MTARC1: variants seen among roughly 807,000 people sequenced by gnomAD.
MTARC1 encodes mitochondrial amidoxime-reducing component 1.
In MTARC1, 24 loss-of-function variants were observed where a neutral mutation model predicts 33.6. The observed-to-expected ratio is 0.72, with a 90% confidence interval of 0.52 to 1.01. The LOEUF (loss-of-function observed/expected upper bound fraction) is 1.01, where lower values mean the gene tolerates loss of function less well. MTARC1 is among the 50% of genes least tolerant of loss of function. The probability of loss-of-function intolerance (pLI) is 0.00; values close to 1 mark genes in which losing one functional copy is unlikely to be tolerated. For synonymous variants in MTARC1, 187 were observed against 189.5 expected, an observed-to-expected ratio of 0.99 and a Z score of 0.11; for missense variants, 417 against 445.7, an observed-to-expected ratio of 0.94 and a Z score of 0.58.
intron 2 of MTARC1, among the ~76,000 whole-genome samples, chr1:220,792,949 A>G (rs1672476759): frequency 6.6e-6 from 1 of 152,164 alleles, no homozygotes; most frequent in Non-Finnish European, 1.5e-5. Context: ...TCCAGGTATT[A>G]AGAAGAATGT....
intron 2 of MTARC1, among the ~76,000 whole-genome samples, chr1:220,795,168 G>C (rs1256412484): frequency 1.3e-5 from 2 of 152,130 alleles, no homozygotes; most frequent in African/African-American, 4.8e-5. Flanking sequence ...TAACTTGGTT[G>C]GGGGACCCTG....
intron 6 of MTARC1, among the ~76,000 whole-genome samples, chr1:220,810,303 C>T (rs2102609403): frequency 6.6e-6 from 1 of 152,326 alleles, no homozygotes; most frequent in South Asian, 2.1e-4. Context: ...TGCAATACCT[C>T]TTAGTGCCAC....
intron 4 of MTARC1, among the ~76,000 whole-genome samples, chr1:220,804,532 A>G (rs995831997): frequency 7.9e-5 from 12 of 152,146 alleles, no homozygotes; most frequent in African/African-American, 2.9e-4. Context: ...TACTTCAGCA[A>G]AAATCAAAGA....
chr1:220,791,467 T>A, intron 1 of MTARC1, 24 bp from the exon 2 acceptor site: 2 of 1,611,916 alleles, frequency 1.2e-6, no homozygotes, highest in Non-Finnish European at 1.7e-6. Flanking sequence ...GGTTCACACA[T>A]ATCCTGTGTT....
chr1:220,808,103 T>G (rs1673024152), intron 6 of MTARC1, among the ~76,000 whole-genome samples: 1 of 152,144 alleles, frequency 6.6e-6, no homozygotes, highest in African/African-American at 2.4e-5. Flanking sequence ...CCCTGTGTGT[T>G]GCTCGGTGTG....
intron 1 of MTARC1, among the ~76,000 whole-genome samples, chr1:220,787,857 AATT>A (rs2102581233): frequency 6.6e-6 from 1 of 152,064 alleles, no homozygotes; most frequent in East Asian, 1.9e-4. Flanking sequence ...AAAAAACAAA[AATT>A]AGCCGGGCGT....
intron 6 of MTARC1, among the ~76,000 whole-genome samples, chr1:220,811,023 G>A (rs944464650): frequency 3.3e-5 from 5 of 152,324 alleles, no homozygotes; most frequent in Middle Eastern, 3.4e-3. Flanking sequence ...TGTGTGATGC[G>A]CAGAACTCCA....
chr1:220,793,287 T>A (rs1672490724), intron 2 of MTARC1: 2 of 152,228 alleles, frequency 1.3e-5, no homozygotes, highest in Non-Finnish European at 2.9e-5. Context: ...CATGGTTAGA[T>A]ATTTACCCAT....
chr1:220,804,072 A>G lies in MTARC1; in HGVS notation c.754-980A>G, dbSNP rs72472332. Among the ~76,000 whole-genome samples the G allele has an allele frequency of 6.4e-4, 97 of 152,180 alleles. 1 individual carries two copies. The highest frequency in any genetic ancestry group is 5.2e-3 in the Admixed American group (79 of 15,294). ...GCCTTCCGCCCTCGTGTGGTGGGCA[A>G]TTCTCTCCGAGGGTAAGAAGGTCAG... On this transcript the variant is annotated intron_variant, in intron 4 of 6. Coordinates refer to ENST00000366910, the MANE Select transcript of MTARC1 (RefSeq NM_022746.4).
At chr1:220,801,856 C>T (rs1571674551) in intron 4 of MTARC1, among the ~76,000 whole-genome samples, 1 of 152,090 alleles carries the variant, frequency 6.6e-6, no homozygotes, top group East Asian at 1.9e-4. Context: ...CACTCCTCAT[C>T]TCGGAAGCTA....
chr1:220,805,150 G>T, intron 5 of MTARC1, 37 bp downstream of exon 5: 1 of 1,614,004 alleles, frequency 6.2e-7, no homozygotes, highest in Non-Finnish European at 8.5e-7. Flanking sequence ...GTGGAGGTGG[G>T]GATAAGTTCG....
At chr1:220,808,228 T>C (rs905957411) in intron 6 of MTARC1, among the ~76,000 whole-genome samples, 5 of 152,240 alleles carry the variant, frequency 3.3e-5, no homozygotes, top group African/African-American at 1.2e-4. Context: ...CTTCCTCCAT[T>C]GGGAGCCTGT....
chr1:220,791,948 A>T (rs1354665742), intron 2 of MTARC1, among the ~76,000 whole-genome samples: 1 of 152,070 alleles, frequency 6.6e-6, no homozygotes, highest in African/African-American at 2.4e-5. Flanking sequence ...GAAAAATAAC[A>T]GCACCCAAAG....
intron 6 of MTARC1, among the ~76,000 whole-genome samples, chr1:220,807,627 G>A (rs1048671037): frequency 3.9e-5 from 6 of 152,216 alleles, no homozygotes; most frequent in African/African-American, 1.2e-4. Context: ...ATATAGTCAA[G>A]TGTTAAGCTC....
At chr1:220,793,392 C>T (rs1199617467) in intron 2 of MTARC1, 3 of 152,054 alleles carry the variant, frequency 2.0e-5, no homozygotes, top group South Asian at 4.1e-4. Flanking sequence ...TTGGTCCATG[C>T]CCAAAAGACT....
intron 2 of MTARC1, 147 bp from the exon 3 acceptor site, chr1:220,796,496 G>C: frequency 1.0e-6 from 1 of 963,826 alleles, no homozygotes; most frequent in Non-Finnish European, 1.4e-6. Context: ...TTTGGAGTCA[G>C]GACCAGGACT....
At chr1:220,800,849 C>T (rs898616943) in intron 4 of MTARC1, among the ~76,000 whole-genome samples, 5 of 151,912 alleles carry the variant, frequency 3.3e-5, no homozygotes, top group Admixed American at 1.3e-4. Flanking sequence ...TTCTCTTTCT[C>T]TCACATCCTA....
chr1:220,798,945 A>C (rs1205440328), intron 4 of MTARC1: 33 of 985,286 alleles, frequency 3.3e-5, no homozygotes, highest in Non-Finnish European at 4.0e-5. Flanking sequence ...AAATAATCTA[A>C]GAATTTGATT....
chr1:220,793,081 T>C (rs1278578816), intron 2 of MTARC1: 1 of 152,254 alleles, frequency 6.6e-6, no homozygotes, highest in Non-Finnish European at 1.5e-5. Flanking sequence ...TACACCTTGC[T>C]AAATTGTTTG....
Sources: allele counts gnomAD v4.1 joint callset (sites outside exome capture counted in the v4.1 genomes callset), GRCh38; gene constraint gnomAD v4.1.1; transcripts MANE v1.5; gene names NCBI Gene and HGNC (gene_info 2026-07-23, HGNC 2026-07-21).